PDZRN4: variants seen among roughly 807,000 people sequenced by gnomAD.
PDZRN4 encodes the protein PDZ domain-containing RING finger protein 4.
In PDZRN4, 70 loss-of-function variants were observed where a neutral mutation model predicts 99.0. The observed-to-expected ratio is 0.71, with a 90% CI of 0.58 to 0.86. The LOEUF is 0.86. PDZRN4 is among the 40% of genes least tolerant of loss of function. The pLI is 0.00. For missense variants in PDZRN4, 1,474 were observed against 1,331.2 expected, an observed-to-expected ratio of 1.11 and a Z score of -1.67; for synonymous variants, 551 against 501.6, an observed-to-expected ratio of 1.10 and a Z score of -1.32.
At chr12:41,260,337 A>G (rs1951228760) in intron 3 of PDZRN4, among the ~76,000 whole-genome samples, 1 of 152,104 alleles carries the variant, frequency 6.6e-6, no homozygotes, top group South Asian at 2.1e-4. Context: ...GGGAGTGTCC[A>G]CTAAACAAAG....
At chr12:41,399,867 T>A (rs1952277327) in intron 3 of PDZRN4, among the ~76,000 whole-genome samples, 1 of 152,086 alleles carries the variant, frequency 6.6e-6, no homozygotes, top group Non-Finnish European at 1.5e-5. Flanking sequence ...TAGAATCCAA[T>A]CACTTCTGTT....
intron 3 of PDZRN4, among the ~76,000 whole-genome samples, chr12:41,316,263 A>C (rs1951636989): frequency 6.6e-6 from 1 of 152,132 alleles, no homozygotes; most frequent in Non-Finnish European, 1.5e-5. Flanking sequence ...ATAAATAAAT[A>C]ATCCTGGGTA....
intron 3 of PDZRN4, among the ~76,000 whole-genome samples, chr12:41,496,639 G>A (rs1453361521): frequency 6.6e-6 from 1 of 152,086 alleles, no homozygotes; most frequent in African/African-American, 2.4e-5. Context: ...ATACATTTAA[G>A]TCAAAGGAAT....
chr12:41,457,265 C>T (rs1276885664), intron 3 of PDZRN4, among the ~76,000 whole-genome samples: 1 of 152,032 alleles, frequency 6.6e-6, no homozygotes, highest in African/African-American at 2.4e-5. Flanking sequence ...AACTTAGGTG[C>T]AATTTGTATA....
At chr12:41,362,416 A>G (rs558749853) in intron 3 of PDZRN4, among the ~76,000 whole-genome samples, 10 of 146,418 alleles carry the variant, frequency 6.8e-5, no homozygotes, top group Admixed American at 3.5e-4. Flanking sequence ...CTCTTCAAAT[A>G]TAAGAACCTT....
chr12:41,324,670 G>T (rs1348227945), intron 3 of PDZRN4, among the ~76,000 whole-genome samples: 1 of 152,072 alleles, frequency 6.6e-6, no homozygotes. Context: ...AAAACTAATT[G>T]TGGTATTTGT....
chr12:41,396,199 G>T (rs775965240), intron 3 of PDZRN4, among the ~76,000 whole-genome samples: 28 of 152,188 alleles, frequency 1.8e-4, no homozygotes, highest in Admixed American at 5.9e-4. Context: ...GGCTGTGAAC[G>T]TTTTCTGCCA....
intron 3 of PDZRN4, among the ~76,000 whole-genome samples, chr12:41,289,952 G>T (rs76192117): frequency 0.011 from 1,732 of 152,284 alleles, 52 homozygotes; most frequent in East Asian, 0.097. Flanking sequence ...TCCAGTAATT[G>T]TTATGAAAGC....
intron 3 of PDZRN4, among the ~76,000 whole-genome samples, chr12:41,312,911 C>T (rs1334322594): frequency 1.3e-5 from 2 of 152,168 alleles, no homozygotes; most frequent in Non-Finnish European, 2.9e-5. Flanking sequence ...CTCCAGTGTC[C>T]GTTATGGCCA....
intron 3 of PDZRN4, among the ~76,000 whole-genome samples, chr12:41,404,944 C>A (rs1952334000): frequency 6.6e-6 from 1 of 152,060 alleles, no homozygotes; most frequent in Non-Finnish European, 1.5e-5. Context: ...TGAAACTGTA[C>A]CCTTACTTTT....
At chr12:41,227,441 G>T (rs559728077) in intron 3 of PDZRN4, among the ~76,000 whole-genome samples, 1 of 152,186 alleles carries the variant, frequency 6.6e-6, no homozygotes, top group Non-Finnish European at 1.5e-5. Context: ...GAGGTGGGAG[G>T]ATCACTTGAG....
chr12:41,256,099 AT>A (rs1253953602), intron 3 of PDZRN4, among the ~76,000 whole-genome samples: 3 of 152,156 alleles, frequency 2.0e-5, no homozygotes, highest in African/African-American at 7.2e-5. Flanking sequence ...AAGAAAATAA[AT>A]TTTTTAATGC....
chr12:41,565,518 TG>T (rs1326840759), intron 8 of PDZRN4, among the ~76,000 whole-genome samples: 2 of 118,440 alleles, frequency 1.7e-5, no homozygotes, highest in Non-Finnish European at 3.2e-5. Flanking sequence ...CATTGTTGTA[TG>T]TTTTTTTTTT....
chr12:41,525,837 C>T (rs1389250417), intron 5 of PDZRN4, among the ~76,000 whole-genome samples: 2 of 151,668 alleles, frequency 1.3e-5, no homozygotes, highest in African/African-American at 4.8e-5. Context: ...TTCAAGTGTC[C>T]TTCATCAAAA....
intron 3 of PDZRN4, among the ~76,000 whole-genome samples, chr12:41,231,443 T>C (rs1951029351): frequency 6.6e-6 from 1 of 152,028 alleles, no homozygotes; most frequent in African/African-American, 2.4e-5. Context: ...CACTGCAAGG[T>C]AGTATAGCTA....
At chr12:41,567,656 A>T in intron 8 of PDZRN4, 127 bp from the exon 9 acceptor site, 3 of 326,774 alleles carry the variant, frequency 9.2e-6, no homozygotes, top group African/African-American at 2.4e-5. Flanking sequence ...GAACTGTGGG[A>T]GGCTGGTATT....
intron 3 of PDZRN4, among the ~76,000 whole-genome samples, chr12:41,344,699 C>T (rs1380383756): frequency 6.7e-6 from 1 of 149,764 alleles, no homozygotes; most frequent in Non-Finnish European, 1.5e-5. Flanking sequence ...TGTTTCTGTG[C>T]ACTTTTATAA....
At chr12:41,555,873 A>C in intron 7 of PDZRN4, 113 bp downstream of exon 7, 1 of 869,164 alleles carries the variant, frequency 1.2e-6, no homozygotes, top group South Asian at 1.6e-5. Flanking sequence ...TTGGATACTA[A>C]CATCTACAAA....
At chr12:41,321,807 T>C (rs2120974235) in intron 3 of PDZRN4, among the ~76,000 whole-genome samples, 1 of 152,312 alleles carries the variant, frequency 6.6e-6, no homozygotes, top group South Asian at 2.1e-4. Context: ...TGAACAGAGA[T>C]GCTATCATCG....
Sources: allele counts gnomAD v4.1 joint callset (sites outside exome capture counted in the v4.1 genomes callset), GRCh38; gene constraint gnomAD v4.1.1; transcripts MANE v1.5; gene names NCBI Gene and HGNC (gene_info 2026-07-23, HGNC 2026-07-21).